DLG2: variants seen among roughly 807,000 people sequenced by gnomAD.
DLG2 encodes the protein disks large homolog 2.
Under a neutral mutation model 132.5 loss-of-function variants are expected in DLG2, and 45 were observed. The ratio of observed to expected loss-of-function variants is 0.34; its 90% CI spans 0.27 to 0.44. The LOEUF (loss-of-function observed/expected upper bound fraction) is 0.44, where lower values mean the gene tolerates loss of function less well. Ranked by LOEUF, DLG2 falls within the 20% of genes least tolerant of loss-of-function variation. DLG2 has a pLI of 1.00. For synonymous variants in DLG2, 424 were observed against 419.6 expected (o/e 1.01, Z -0.13); for missense variants, 1,045 against 1,196.9 (o/e 0.87, Z 1.87).
At chr11:84,373,261 A>AC (rs1555532688) in intron 7 of DLG2, among the ~76,000 whole-genome samples, 2 of 58,226 alleles carry the variant, frequency 3.4e-5, no homozygotes, top group African/African-American at 9.1e-5. Context: ...AAAAAAAAAA[A>AC]AAACAAAACA....
At position 84,023,443 on chromosome 11, in the gene DLG2, T is replaced by A. The variant is rs1278219046; in HGVS notation, c.919+35872A>T. Among the ~76,000 whole-genome samples, 3 of 152,280 alleles carry A rather than the reference T, an allele frequency of 2.0e-5. No homozygotes were observed. In the East Asian group the frequency reaches 5.8e-4, roughly 29 times the overall value. The stretch of plus-strand genomic sequence containing the variant: ...AAAAGCTTGATAATATTTAAAGACA[T>A]CACCTGAGTTCACTAAAGTAGCAAG... On this transcript the variant is annotated intron_variant, in intron 11 of 27. Coordinates refer to ENST00000376104, the MANE Select transcript of DLG2 (RefSeq NM_001142699.3).
chr11:85,388,819 G>A (rs1191151368), intron 3 of DLG2, among the ~76,000 whole-genome samples: 7 of 152,152 alleles, frequency 4.6e-5, no homozygotes, highest in Admixed American at 4.6e-4. Flanking sequence ...CATCAAGGCA[G>A]CACCGCCATG....
chr11:85,284,167 C>T (rs760450900), intron 4 of DLG2, among the ~76,000 whole-genome samples: 27 of 151,704 alleles, frequency 1.8e-4, no homozygotes, highest in Non-Finnish European at 3.1e-4. Context: ...CTAAAAAAGT[C>T]AAAATAATTA....
rs113179652 is a variant in DLG2, at chr11:84,964,866, C to T, written c.357+146795G>A. Among the ~76,000 whole-genome samples, 391 of 151,892 alleles carry T rather than the reference C, an allele frequency of 2.6e-3. 8 individuals are homozygous for T. The highest frequency in any genetic ancestry group is 9.1e-3 in the African/African-American group (376 of 41,470). On this transcript the variant is annotated intron_variant, in intron 6 of 27. Coordinates refer to ENST00000376104, the MANE Select transcript of DLG2 (RefSeq NM_001142699.3). The stretch of plus-strand genomic sequence containing the variant: ...AACCAAAAATGAAATATAATACAAC[C>T]AACAGTATGATAGATATGTGAATAA...
chr11:83,833,475 G>T, intron 17 of DLG2, 139 bp downstream of exon 17: 2 of 880,578 alleles, frequency 2.3e-6, no homozygotes, highest in Non-Finnish European at 3.4e-6. Flanking sequence ...ACAAAATTGT[G>T]ACATGCACCA....
At chr11:84,175,557 C>A (rs986532556) in intron 8 of DLG2, among the ~76,000 whole-genome samples, 1 of 152,052 alleles carries the variant, frequency 6.6e-6, no homozygotes, top group Non-Finnish European at 1.5e-5. Flanking sequence ...AGCTGCATCC[C>A]TTTTCATCTA....
intron 19 of DLG2, among the ~76,000 whole-genome samples, chr11:83,582,273 A>G (rs1172392241): frequency 6.6e-6 from 1 of 152,122 alleles, no homozygotes; most frequent in Non-Finnish European, 1.5e-5. Context: ...AATCTTTGCC[A>G]TGGTGACCAC....
intron 6 of DLG2, among the ~76,000 whole-genome samples, chr11:84,939,820 G>T (rs1317803458): frequency 2.0e-5 from 3 of 152,084 alleles, no homozygotes; most frequent in Non-Finnish European, 4.4e-5. Flanking sequence ...TTATCCATTT[G>T]TCTATTGATG....
intron 8 of DLG2, among the ~76,000 whole-genome samples, chr11:84,177,756 G>C (rs765713460): frequency 6.6e-6 from 1 of 152,078 alleles, no homozygotes; most frequent in Non-Finnish European, 1.5e-5. Context: ...GATTGTGAAG[G>C]ATAAATGAAC....
At chr11:85,480,501 AT>A (rs892969010) in intron 3 of DLG2, among the ~76,000 whole-genome samples, 11 of 152,230 alleles carry the variant, frequency 7.2e-5, no homozygotes, top group African/African-American at 2.2e-4. Flanking sequence ...CTGCAAAAAA[AT>A]GCAACATCAT....
chr11:83,461,327 C>T (rs931717854), intron 27 of DLG2, among the ~76,000 whole-genome samples: 15 of 151,976 alleles, frequency 9.9e-5, no homozygotes, highest in African/African-American at 3.1e-4. Flanking sequence ...TTTAAACCTC[C>T]GGGAACCAGG....
chr11:84,875,751 T>C (rs190279793), intron 6 of DLG2, among the ~76,000 whole-genome samples: 95 of 152,260 alleles, frequency 6.2e-4, no homozygotes, highest in African/African-American at 2.1e-3. Context: ...CTCCTTTTTT[T>C]TTGAGATGGA....
intron 19 of DLG2, among the ~76,000 whole-genome samples, chr11:83,611,622 TC>T (rs1391943734): frequency 6.6e-6 from 1 of 152,266 alleles, no homozygotes; most frequent in African/African-American, 2.4e-5. Flanking sequence ...CACATCTTTT[TC>T]TTTTGCTAAA....
intron 11 of DLG2, among the ~76,000 whole-genome samples, chr11:84,023,099 G>A (rs1156617783): frequency 6.6e-6 from 1 of 152,038 alleles, no homozygotes; most frequent in Non-Finnish European, 1.5e-5. Flanking sequence ...TTTGGGGAGT[G>A]GGGATAAAAA....
intron 8 of DLG2, among the ~76,000 whole-genome samples, chr11:84,193,118 G>A (rs1217366279): frequency 2.6e-5 from 4 of 152,144 alleles, no homozygotes; most frequent in African/African-American, 4.8e-5. Context: ...CTTGGACAGT[G>A]GTACTGGGAT....
chr11:83,740,351 A>G (rs1426726696), intron 18 of DLG2, among the ~76,000 whole-genome samples: 2 of 152,216 alleles, frequency 1.3e-5, no homozygotes, highest in African/African-American at 2.4e-5. Flanking sequence ...CCTATATCCA[A>G]TGACATGGAT....
chr11:83,646,417 A>T (rs2068202820), intron 18 of DLG2, among the ~76,000 whole-genome samples: 1 of 151,908 alleles, frequency 6.6e-6, no homozygotes, highest in African/African-American at 2.4e-5. Flanking sequence ...AAGGGAAAGA[A>T]GGAAGGAAAA....
chr11:83,971,991 A>G (rs71465570), intron 12 of DLG2, among the ~76,000 whole-genome samples: 6,617 of 152,270 alleles, frequency 0.043, 200 homozygotes, highest in Non-Finnish European at 0.067. Context: ...ACTCTAAATG[A>G]GCAAGAACAA....
intron 6 of DLG2, among the ~76,000 whole-genome samples, chr11:84,842,320 C>T (rs1281809189): frequency 1.3e-5 from 2 of 151,984 alleles, no homozygotes; most frequent in Admixed American, 1.3e-4. Context: ...GATGTTAAAA[C>T]TGAGATTCAA....
Sources: allele counts gnomAD v4.1 joint callset (sites outside exome capture counted in the v4.1 genomes callset), GRCh38; gene constraint gnomAD v4.1.1; transcripts MANE v1.5; gene names NCBI Gene and HGNC (gene_info 2026-07-23, HGNC 2026-07-21).